METTL15: variants seen among roughly 807,000 people sequenced by gnomAD.
METTL15 encodes the protein methyltransferase 15, mitochondrial 12S rRNA N4-cytidine.
A neutral mutation model predicts 38.3 loss-of-function variants in METTL15; 34 were observed. That is an observed-to-expected ratio of 0.89 (90% CI 0.68 to 1.18). The LOEUF is 1.18. Among genes scored for constraint, METTL15 ranks in the 50% most tolerant of loss-of-function variants. The probability of loss-of-function intolerance (pLI) is 0.00; values close to 1 mark genes in which losing one functional copy is unlikely to be tolerated. For missense variants in METTL15, 438 were observed against 498.4 expected (o/e 0.88, Z 1.15); for synonymous variants, 162 against 170.9 (o/e 0.95, Z 0.41).
chr11:28,397,494 A>G lies in METTL15; in HGVS notation c.*359-26805A>G, dbSNP rs1196445427. On this transcript the variant is annotated intron_variant and NMD_transcript_variant, in intron 5 of 7. Coordinates refer to the METTL15 transcript ENST00000532947. Reference sequence around the variant, plus strand: ...CCAAAAGACACATGAAAAAATGCTCATCATCACTGGCCATCAGAGAAATGC... The same window carrying G: ...CCAAAAGACACATGAAAAAATGCTCGTCATCACTGGCCATCAGAGAAATGC... Among the ~76,000 whole-genome samples, 21 of 152,190 alleles carry G rather than the reference A, an allele frequency of 1.4e-4. 1 individual carries two copies. The highest frequency in any genetic ancestry group is 1.3e-4 in the Admixed American group (2 of 15,268).
At chr11:28,342,020 G>A (rs535917840) in intron 3 of METTL15, among the ~76,000 whole-genome samples, 1 of 152,048 alleles carries the variant, frequency 6.6e-6, no homozygotes, top group Non-Finnish European at 1.5e-5. Flanking sequence ...GAGAAAAGGG[G>A]ATTTCTTGGG....
chr11:28,158,957 C>T (rs185139888), intron 3 of METTL15, among the ~76,000 whole-genome samples: 40 of 152,120 alleles, frequency 2.6e-4, no homozygotes, highest in Non-Finnish European at 4.7e-4. Context: ...CTCCCATAGC[C>T]GGGATTCACG....
chr11:28,111,971 G>A (rs1227377142), intron 2 of METTL15, among the ~76,000 whole-genome samples: 1 of 151,450 alleles, frequency 6.6e-6, no homozygotes, highest in Non-Finnish European at 1.5e-5. Context: ...CCCCCCCACC[G>A]ACATTTTTTC....
chr11:28,361,528 G>T (rs1850138647), intron 4 of METTL15, among the ~76,000 whole-genome samples: 1 of 152,014 alleles, frequency 6.6e-6, no homozygotes, highest in Admixed American at 6.6e-5. Context: ...AAATAAAAAA[G>T]AAAGAAAATA....
At chr11:28,295,169 C>CT (rs368569781) in intron 5 of METTL15, among the ~76,000 whole-genome samples, 164 of 152,226 alleles carry the variant, frequency 1.1e-3, no homozygotes, top group African/African-American at 2.2e-3. Flanking sequence ...CATTGAGCAT[C>CT]TTTTATGTTC....
At chr11:28,325,248 C>A (rs866627812) in intron 6 of METTL15, among the ~76,000 whole-genome samples, 1 of 152,182 alleles carries the variant, frequency 6.6e-6, no homozygotes, top group Non-Finnish European at 1.5e-5. Flanking sequence ...AAGTTATATG[C>A]CTTTGCTCTG....
intron 5 of METTL15, among the ~76,000 whole-genome samples, chr11:28,290,685 A>G (rs138620575): frequency 6.7e-4 from 102 of 152,182 alleles, no homozygotes; most frequent in African/African-American, 2.3e-3. Flanking sequence ...AGTGTTAACC[A>G]ATGTCAGTAA....
intron 4 of METTL15, among the ~76,000 whole-genome samples, chr11:28,238,109 C>T (rs1183952066): frequency 6.6e-6 from 1 of 152,196 alleles, no homozygotes; most frequent in East Asian, 1.9e-4. Context: ...TAGCTGTGTG[C>T]TGGGAGAACC....
intron 4 of METTL15, among the ~76,000 whole-genome samples, chr11:28,252,175 G>A (rs1365485005): frequency 1.3e-5 from 2 of 152,128 alleles, no homozygotes; most frequent in African/African-American, 4.8e-5. Context: ...ATATACTCAA[G>A]TGGGAGGCAG....
chr11:28,488,333 CT>C (rs1377313619), intron 6 of METTL15, among the ~76,000 whole-genome samples: 1 of 152,030 alleles, frequency 6.6e-6, no homozygotes, highest in Non-Finnish European at 1.5e-5. Flanking sequence ...AATCCTGTTG[CT>C]GTTTTTTTTC....
At chr11:28,146,248 C>T (rs1036668108) in intron 3 of METTL15, among the ~76,000 whole-genome samples, 1 of 152,040 alleles carries the variant, frequency 6.6e-6, no homozygotes, top group African/African-American at 2.4e-5. Flanking sequence ...GGTGAACCCT[C>T]TTTCCTTTTG....
intron 6 of METTL15, among the ~76,000 whole-genome samples, chr11:28,470,460 G>A (rs899473738): frequency 7.2e-5 from 11 of 152,070 alleles, no homozygotes; most frequent in African/African-American, 2.7e-4. Context: ...ATCCTTCCTT[G>A]CCCTTTCTCC....
At chr11:28,455,197 AAC>A (rs1389105897) in intron 6 of METTL15, among the ~76,000 whole-genome samples, 1 of 150,950 alleles carries the variant, frequency 6.6e-6, no homozygotes, top group East Asian at 1.9e-4. Flanking sequence ...ATAACTCAAT[AAC>A]ACATGGGATC....
intron 5 of METTL15, among the ~76,000 whole-genome samples, chr11:28,362,797 C>G (rs933486066): frequency 1.3e-5 from 2 of 152,144 alleles, no homozygotes; most frequent in African/African-American, 2.4e-5. Context: ...GATTCCATGT[C>G]CTTGCTATTA....
intron 6 of METTL15, among the ~76,000 whole-genome samples, chr11:28,309,258 T>A (rs1857190329): frequency 6.6e-6 from 1 of 152,190 alleles, no homozygotes; most frequent in South Asian, 2.1e-4. Context: ...CACACAAATC[T>A]CGCTTTTGAC....
At chr11:28,382,791 C>A (rs533037499) in intron 5 of METTL15, among the ~76,000 whole-genome samples, 1 of 151,288 alleles carries the variant, frequency 6.6e-6, no homozygotes, top group African/African-American at 2.4e-5. Flanking sequence ...GCCAAGATAG[C>A]GCCACTGCAC....
intron 6 of METTL15, among the ~76,000 whole-genome samples, chr11:28,323,622 T>C (rs1282966738): frequency 6.6e-6 from 1 of 152,250 alleles, no homozygotes; most frequent in East Asian, 1.9e-4. Context: ...TGGAGGTGTT[T>C]GCATGATTAA....
intron 3 of METTL15, among the ~76,000 whole-genome samples, chr11:28,192,532 C>G (rs1025781790): frequency 6.6e-6 from 1 of 150,858 alleles, no homozygotes; most frequent in Non-Finnish European, 1.5e-5. Flanking sequence ...TAATGTTGAT[C>G]CCATACAATG....
intron 5 of METTL15, among the ~76,000 whole-genome samples, chr11:28,390,667 C>T (rs924257618): frequency 6.6e-6 from 1 of 152,150 alleles, no homozygotes; most frequent in Non-Finnish European, 1.5e-5. Context: ...TAGCATGATG[C>T]CTCCAGCTTT....
Sources: gnomAD v4.1 joint callset for allele counts (sites outside exome capture counted in the v4.1 genomes callset) on GRCh38, gnomAD v4.1.1 for gene constraint, MANE v1.5 for transcripts, NCBI Gene and HGNC (gene_info 2026-07-23, HGNC 2026-07-21) for gene names.